The following P2RY14 variants were observed in gnomAD, a reference collection of about 807,000 sequenced individuals.
The protein encoded by P2RY14 is P2Y purinoceptor 14.
P2RY14 carries 2 observed loss-of-function variants against 0.9 expected under a neutral mutation model. The ratio of observed to expected loss-of-function variants is 2.16; its 90% CI spans 0.88 to 6.79. The LOEUF (loss-of-function observed/expected upper bound fraction) is 6.79, where lower values mean the gene tolerates loss of function less well. Ranked by LOEUF, P2RY14 falls within the 30% of genes most tolerant of loss-of-function variation. P2RY14 has a pLI of 0.05. For synonymous variants in P2RY14, 158 were observed against 147.2 expected (o/e 1.07, Z -0.53); for missense variants, 378 against 400.1 (o/e 0.94, Z 0.47).
intron 1 of P2RY14, among the ~76,000 whole-genome samples, chr3:151,270,912 C>T (rs1303483081): frequency 2.0e-5 from 3 of 151,702 alleles, no homozygotes; most frequent in Non-Finnish European, 4.4e-5. Context: ...TTAAAATTTT[C>T]TTTTTATTTC....
intron 2 of P2RY14, among the ~76,000 whole-genome samples, chr3:151,216,604 A>G (rs1282007189): frequency 3.3e-5 from 5 of 152,188 alleles, no homozygotes; most frequent in Non-Finnish European, 2.9e-5. Context: ...TGGACTTCCT[A>G]TAGAAGGAAT....
intron 1 of P2RY14, among the ~76,000 whole-genome samples, chr3:151,244,912 C>A (rs910869079): frequency 2.0e-5 from 3 of 151,940 alleles, no homozygotes; most frequent in Non-Finnish European, 4.4e-5. Context: ...ATCTAATAGA[C>A]CCAATAAAAA....
chr3:151,278,344 A>AT lies in P2RY14; in HGVS notation c.-191dup, dbSNP rs1264224255. ...CTTCACTCATTTTGAAATACCTCTCATTGTAGGCTCCAAGGTAACACTGTT... is the reference window on the plus strand; with the variant it reads ...CTTCACTCATTTTGAAATACCTCTCATTTGTAGGCTCCAAGGTAACACTGTT... On this transcript the variant is annotated 5_prime_UTR_variant, in exon 1 of 3. The change creates a new upstream start codon in the 5' untranslated region. Coordinates refer to ENST00000309170, the MANE Select transcript of P2RY14 (RefSeq NM_014879.4). The AT allele has an allele frequency of 1.3e-5, 2 of 151,094 alleles. No homozygotes were observed. The highest frequency in any genetic ancestry group is 2.4e-5 in the African/African-American group (1 of 41,396). The allele number at this position is 151,094 out of a possible 1,614,324, so 9.4% of individuals were successfully genotyped here. A position where few individuals can be genotyped will look rare whatever the true frequency, so the allele number is the denominator to read the frequency against.
intron 1 of P2RY14, among the ~76,000 whole-genome samples, chr3:151,254,999 A>G (rs1737559156): frequency 6.6e-6 from 1 of 152,174 alleles, no homozygotes; most frequent in South Asian, 2.1e-4. Flanking sequence ...GTTTTCCCAG[A>G]AACTTTATAT....
intron 1 of P2RY14, among the ~76,000 whole-genome samples, chr3:151,220,940 A>C (rs1729216413): frequency 6.6e-6 from 1 of 152,204 alleles, no homozygotes; most frequent in Non-Finnish European, 1.5e-5. Flanking sequence ...AAGACAGGAA[A>C]ATGTAGGTAA....
chr3:151,265,582 C>T (rs1739675465), intron 1 of P2RY14, among the ~76,000 whole-genome samples: 1 of 152,164 alleles, frequency 6.6e-6, no homozygotes, highest in Non-Finnish European at 1.5e-5. Flanking sequence ...CAGGGTTTCT[C>T]TCTAAGAAAA....
intron 1 of P2RY14, among the ~76,000 whole-genome samples, chr3:151,278,012 A>G (rs571418881): frequency 1.3e-5 from 2 of 152,342 alleles, no homozygotes; most frequent in South Asian, 2.1e-4. Context: ...ATTTTCCTTG[A>G]TATCTCTTCA....
At chr3:151,272,224 A>T (rs1026910265) in intron 1 of P2RY14, among the ~76,000 whole-genome samples, 1 of 152,244 alleles carries the variant, frequency 6.6e-6, no homozygotes, top group East Asian at 1.9e-4. Context: ...TTGAAGATGC[A>T]AAGAGGTAAA....
chr3:151,245,979 GACAA>G (rs1196265943), intron 1 of P2RY14, among the ~76,000 whole-genome samples: 27 of 150,950 alleles, frequency 1.8e-4, no homozygotes, highest in African/African-American at 5.1e-4. Context: ...ACCAGCAACA[GACAA>G]ACAGAGAGCC....
chr3:151,275,113 C>G lies in P2RY14; in HGVS notation c.-133+3174G>C, dbSNP rs62283015. 4.9e-3 allele frequency among the ~76,000 whole-genome samples: 752 copies of G among 152,162 alleles called. 3 individuals are homozygous for G. Among genetic ancestry groups the G allele is most frequent in the Admixed American group, 6.5e-3 (99 of 15,278 alleles). On this transcript the variant is annotated intron_variant, in intron 1 of 2. Transcript: ENST00000309170. ...CTATAGAAGGTGGCACATTTCCCAT[C>G]TGCTTGGTATAAATGGCTCCTAGAG...
rs147778131 is a variant in P2RY14 at position 151,214,239 on chromosome 3, A to G, written c.78T>C (p.Pro26=). Residue 26 remains proline (P), a synonymous_variant, in exon 3 of 3, where the codon CCT becomes CCC. Coordinates refer to ENST00000309170, the MANE Select transcript of P2RY14 (RefSeq NM_014879.4). ...CAATGAAGACCATACAGTACAGCAC[A>G]GGAATGATCTGCTGAGTGATCAGGA... ...QNLLITQQII[P]VLYCMVFIAG... The G allele has an allele frequency of 4.7e-5, 76 of 1,613,954 alleles. No homozygotes were observed. The highest frequency in any genetic ancestry group is 1.3e-4 in the East Asian group (6 of 44,894).
At chr3:151,256,139 T>C (rs1737771981) in intron 1 of P2RY14, among the ~76,000 whole-genome samples, 1 of 152,182 alleles carries the variant, frequency 6.6e-6, no homozygotes, top group South Asian at 2.1e-4. Flanking sequence ...CAAATTTGAG[T>C]AGGTCTTTGA....
At chr3:151,253,215 G>A (rs532001870) in intron 1 of P2RY14, among the ~76,000 whole-genome samples, 5 of 152,196 alleles carry the variant, frequency 3.3e-5, no homozygotes, top group South Asian at 2.1e-4. Context: ...AGCCTGTTCC[G>A]AGAAAAGCCA....
intron 1 of P2RY14, among the ~76,000 whole-genome samples, chr3:151,225,930 G>T (rs1730404122): frequency 6.6e-6 from 1 of 152,160 alleles, no homozygotes; most frequent in Non-Finnish European, 1.5e-5. Flanking sequence ...TGTTTATAAA[G>T]TACATTGTAA....
At chr3:151,266,522 A>C (rs1739861847) in intron 1 of P2RY14, among the ~76,000 whole-genome samples, 1 of 152,196 alleles carries the variant, frequency 6.6e-6, no homozygotes, top group Non-Finnish European at 1.5e-5. Flanking sequence ...GTCCTTTTTA[A>C]AAATCGCGTT....
chr3:151,264,611 T>A (rs1478391494), intron 1 of P2RY14, among the ~76,000 whole-genome samples: 2 of 152,232 alleles, frequency 1.3e-5, no homozygotes, highest in Non-Finnish European at 2.9e-5. Flanking sequence ...TGCAGTTTAA[T>A]TTGTGTATTA....
At chr3:151,228,760 G>T (rs1278473793) in intron 1 of P2RY14, among the ~76,000 whole-genome samples, 2 of 152,188 alleles carry the variant, frequency 1.3e-5, no homozygotes, top group Non-Finnish European at 1.5e-5. Flanking sequence ...ATCACTCCTG[G>T]CTTCAGGGTT....
chr3:151,256,080 A>C (rs934097459), intron 1 of P2RY14, among the ~76,000 whole-genome samples: 1 of 152,242 alleles, frequency 6.6e-6, no homozygotes. Flanking sequence ...ATAGAAATAC[A>C]GTGCTATGCT....
At position 151,251,635 on chromosome 3, in the gene P2RY14, A is replaced by G. The variant is rs921201469; in HGVS notation, c.-133+26652T>C. ...ATTTGACACCTCTTCTTCCACCACT[A>G]TTTGCCTTGGTCTGTATATCACAGC... On this transcript the variant is annotated intron_variant, in intron 1 of 2. Transcript: ENST00000309170. Among the ~76,000 whole-genome samples, 3 of 151,992 alleles carry G rather than the reference A, an allele frequency of 2.0e-5. No individual in the cohort carries two copies. The East Asian group carries it at 5.8e-4, about 29-fold the overall frequency.
Sources: gnomAD v4.1 joint callset for allele counts (sites outside exome capture counted in the v4.1 genomes callset) on GRCh38, gnomAD v4.1.1 for gene constraint, MANE v1.5 for transcripts, NCBI Gene and HGNC (gene_info 2026-07-23, HGNC 2026-07-21) for gene names.